The following PLEC variants were observed in gnomAD, a reference collection of about 807,000 sequenced individuals.
The protein encoded by PLEC is hemidesmosomal protein 1.
In PLEC, 216 loss-of-function variants were observed where a neutral mutation model predicts 392.8. That is an observed-to-expected ratio of 0.55 (90% CI 0.49 to 0.62). The LOEUF is 0.62. Ranked by LOEUF, PLEC falls within the 20% of genes least tolerant of loss-of-function variation. The pLI is 0.00. For missense variants in PLEC, 6,863 were observed against 6,563.4 expected (o/e 1.05, Z -1.58); for synonymous variants, 3,621 against 2,980.6 (o/e 1.21, Z -7.00).
At chr8:143,964,184 T>G (rs1314977370) in intron 1 of PLEC, among the ~76,000 whole-genome samples, 2 of 152,148 alleles carry the variant, frequency 1.3e-5, no homozygotes, top group Non-Finnish European at 2.9e-5. Context: ...GAAACATTTA[T>G]TTTGGAAGTG....
rs1027716399 is a variant in PLEC at position 143,921,051 on chromosome 8, T to A, written c.8770A>T (p.Ile2924Phe). 2 of 1,612,260 alleles carry A rather than the reference T, an allele frequency of 1.2e-6. No individual in the cohort carries two copies. The highest frequency in any genetic ancestry group is 1.7e-6 in the Non-Finnish European group (2 of 1,180,036). The change falls in exon 32 of 32, where the codon ATT becomes TTT. Residue 2924 changes from isoleucine (I) to phenylalanine (F), a missense_variant. By Grantham distance (21) the Ile-to-Phe change is conservative. Coordinates refer to ENST00000345136, the MANE Select transcript of PLEC (RefSeq NM_201384.3). ...FGKFQGKTVT[I>F]WEIINSEYFT... is the part of the protein sequence containing the mutation. ...TATTCCGAGTTGATGATCTCCCAAATGGTCACCGTCTTGCCCTGGAACTTG... is the reference window on the plus strand; with the variant it reads ...TATTCCGAGTTGATGATCTCCCAAAAGGTCACCGTCTTGCCCTGGAACTTG...
At position 143,917,847 on chromosome 8, in the gene PLEC, G is replaced by A. The variant is rs782528455; in HGVS notation, c.11974C>T (p.Arg3992Cys). The A allele has an allele frequency of 3.8e-5, 62 of 1,613,000 alleles. No homozygotes were observed. The highest frequency in any genetic ancestry group is 5.0e-5 in the Non-Finnish European group (59 of 1,180,018). The change falls in exon 32 of 32, where the codon CGT (arginine) becomes TGT (cysteine). Residue 3992 changes from arginine (R) to cysteine (C), a missense_variant. Coordinates refer to ENST00000345136, the MANE Select transcript of PLEC (RefSeq NM_201384.3). ...AACTCGGGGCCCACAATGCCCATAC[G>A]CACAGCCTCCTCCACCGTCAGCTTC... ...GLKLTVEEAV[R>C]MGIVGPEFKD...
chr8:143,954,136 G>T (rs1832460323), upstream of PLEC, among the ~76,000 whole-genome samples: 1 of 147,950 alleles, frequency 6.8e-6, no homozygotes, highest in African/African-American at 2.5e-5. The surrounding 1 kb of genome is among the most constrained non-coding windows in gnomAD (Gnocchi z 4.6). Context: ...GCCATGCTTA[G>T]AACAGCCTGT....
At position 143,929,222 on chromosome 8, in the gene PLEC, G is replaced by A. The variant is rs782511217; in HGVS notation, c.3141C>T (p.Ala1047=). 43 of 1,602,488 alleles carry A rather than the reference G, an allele frequency of 2.7e-5. No homozygotes were observed. The highest frequency in any genetic ancestry group is 8.4e-5 in the Admixed American group (5 of 59,528). ...GKGVARLSAE[A]EKVLALPEPS... ...GCTCTGGTAGGGCCAAGACCTTCTC[G>A]GCCTCGGCAGAGAGCCGGGCGACCC... Residue 1047 remains alanine, a synonymous_variant, in exon 25 of 32, where the codon GCC becomes GCT. Transcript: ENST00000345136.
At chr8:143,955,353 C>T (rs551449352), upstream of PLEC, among the ~76,000 whole-genome samples, 4 of 152,224 alleles carry the variant, frequency 2.6e-5, no homozygotes, top group South Asian at 2.1e-4. Flanking sequence ...TGGTGTCACA[C>T]GCCTGTAGCC....
chr8:143,952,431 A>G (rs769269723), upstream of PLEC, among the ~76,000 whole-genome samples: 3 of 152,016 alleles, frequency 2.0e-5, no homozygotes, highest in Non-Finnish European at 2.9e-5. Context: ...CGCCCCTCGG[A>G]CCACCAGCAC....
chr8:143,921,058 C>T lies in PLEC; in HGVS notation c.8763G>A (p.Thr2921=), dbSNP rs377001239. The change falls in exon 32 of 32, where the codon ACG becomes ACA. Residue 2921 remains threonine (T), a synonymous_variant. Coordinates refer to ENST00000345136, the MANE Select transcript of PLEC (RefSeq NM_201384.3). The part of the protein sequence containing the change: ...SAPFGKFQGK[T]VTIWEIINSE... ...AGTTGATGATCTCCCAAATGGTCAC[C>T]GTCTTGCCCTGGAACTTGCCGAACG... is the stretch of plus-strand genomic sequence containing the variant. 274 of 1,612,130 alleles carry T rather than the reference C, an allele frequency of 1.7e-4. No homozygotes were observed. The highest frequency in any genetic ancestry group is 1.5e-3 in the African/African-American group (115 of 75,072).
At chr8:143,954,952 C>T (rs1237635466), upstream of PLEC, among the ~76,000 whole-genome samples, 1 of 152,216 alleles carries the variant, frequency 6.6e-6, no homozygotes, top group Non-Finnish European at 1.5e-5. This position sits in a 1 kb window ranked among gnomAD's most constrained non-coding sequence, Gnocchi z 4.6. Context: ...CTGGGGCTGG[C>T]ATGGAGGACG....
exon 1 of PLEC, chr8:143,950,571 G>T: frequency 3.7e-6 from 6 of 1,608,562 alleles, no homozygotes; most frequent in Non-Finnish European, 5.1e-6. Context: ...ATGACCTGCA[G>T]GTTGGTGACG....
chr8:143,926,833 T>C lies in PLEC; in HGVS notation c.3995A>G (p.Gln1332Arg). The stretch of plus-strand genomic sequence containing the variant: ...AGTCTCGCTGATGAACTTGATGTAC[T>C]GGCTCGTCAGTGTGGTCAGCTCGCT... ...HYSELTTLTS[Q>R]YIKFISETLR... The change falls in exon 30 of 32, where the codon CAG (glutamine) becomes CGG (arginine). Residue 1332 changes from glutamine to arginine, a missense_variant. By Grantham distance (43) the Gln-to-Arg change is conservative (BLOSUM62 1). Transcript: ENST00000345136. 2 of 1,613,736 alleles carry C rather than the reference T, an allele frequency of 1.2e-6. No homozygotes were observed. The highest frequency in any genetic ancestry group is 1.1e-5 in the South Asian group (1 of 91,088).
At chr8:143,964,156 T>C (rs1832983368) in intron 1 of PLEC, among the ~76,000 whole-genome samples, 1 of 152,140 alleles carries the variant, frequency 6.6e-6, no homozygotes, top group South Asian at 2.1e-4. Context: ...GTTGAGACTT[T>C]GGGGCATGTT....
chr8:143,927,138 G>T, intron 28 of PLEC, 57 bp from the exon 29 acceptor site: 1 of 1,559,168 alleles, frequency 6.4e-7, no homozygotes, highest in Non-Finnish European at 8.8e-7. Context: ...CCCCTGCCCA[G>T]CCCCTAAACC....
At position 143,934,804 on chromosome 8, in the gene PLEC, G is replaced by T; in HGVS notation, c.945+6C>A. On this transcript the variant is annotated splice_donor_region_variant and intron_variant, in intron 9 of 31. Coordinates refer to ENST00000345136, the MANE Select transcript of PLEC (RefSeq NM_201384.3). ...CCCAGGACCCCGCCCCCCACGGCAG[G>T]CCCACCTCAATCTCCTCGAAGCTGG... The T allele has an allele frequency of 6.2e-7, 1 of 1,611,670 alleles. No homozygotes were observed. Among genetic ancestry groups the T allele is most frequent in the Non-Finnish European group, 8.5e-7 (1 of 1,179,872 alleles).
At chr8:143,972,600 T>G (rs142294925) in intron 1 of PLEC, among the ~76,000 whole-genome samples, 5 of 152,304 alleles carry the variant, frequency 3.3e-5, no homozygotes, top group Middle Eastern at 3.4e-3. Context: ...CGGCTCTGCC[T>G]GGGGGCCCCC....
In PLEC at chr8:143,930,042, G is replaced by A. The variant is rs1199627981; in HGVS notation, c.2633C>T (p.Ala878Val). ...CAACTGGTGCCACAGCGTGACCAGG[G>A]CCTGGTGCTGGGCCTCCAGCCTGGC... is the stretch of plus-strand genomic sequence containing the variant. ...AVTRLEAQHQ[A>V]LVTLWHQLHV... is the part of the protein sequence containing the mutation. Residue 878 changes from alanine (A) to valine (V), a missense_variant, in exon 22 of 32, where the codon GCC becomes GTC. Ala to Val is a moderately conservative substitution (Grantham distance 64, BLOSUM62 0). Transcript: ENST00000345136. 2 of 1,611,630 alleles carry A rather than the reference G, an allele frequency of 1.2e-6. No individual in the cohort carries two copies. The highest frequency in any genetic ancestry group is 1.7e-5 in the Admixed American group (1 of 60,004).
rs551648408 is a variant in PLEC at position 143,939,194 on chromosome 8, G to C, written c.112+156C>G. 5.3e-5 allele frequency among the ~76,000 whole-genome samples: 8 copies of C among 152,320 alleles called. No homozygotes were observed. The South Asian group carries it at 1.4e-3, about 28-fold the overall frequency. The stretch of plus-strand genomic sequence containing the variant: ...CCGTCAGCCTCGCGGGCGCCTGTCG[G>C]CCCACTCCGTGTTGGGTGGGGATGG... On this transcript the variant is annotated intron_variant, in intron 1 of 31. Coordinates refer to ENST00000345136, the MANE Select transcript of PLEC (RefSeq NM_201384.3).
upstream of PLEC, among the ~76,000 whole-genome samples, chr8:143,976,088 G>A (rs1253588802): frequency 2.6e-5 from 4 of 152,230 alleles, no homozygotes; most frequent in Non-Finnish European, 1.5e-5. Context: ...CCGCAGCGAA[G>A]GCCTATAAAT....
Position 143,916,196 on chromosome 8 carries a change from G to T in PLEC, c.13625C>A (p.Pro4542His), listed in dbSNP as rs1554668185. 1 of 1,542,602 alleles carries T rather than the reference G, an allele frequency of 6.5e-7. No homozygotes were observed. The highest frequency in any genetic ancestry group is 8.7e-7 in the Non-Finnish European group (1 of 1,144,042). The change falls in exon 32 of 32, where the codon CCT becomes CAT. Residue 4542 changes from proline to histidine, a missense_variant. Pro to His is a moderately conservative substitution (Grantham distance 77). Coordinates refer to ENST00000345136, the MANE Select transcript of PLEC (RefSeq NM_201384.3). The stretch of plus-strand genomic sequence containing the variant: ...GCAGCCTCAGGCCACGGCAGACTCA[G>T]GGCCCCCCAGGGAGGCCGAGGACCC... ...ASGSSASLGG[P>H]ESAVA
At chr8:143,946,848 C>G (rs1831550875) in intron 1 of PLEC, among the ~76,000 whole-genome samples, 1 of 151,338 alleles carries the variant, frequency 6.6e-6, no homozygotes, top group Non-Finnish European at 1.5e-5. Context: ...CACCACACCC[C>G]ACTCCTTGAG....
Sources: allele counts gnomAD v4.1 joint callset (sites outside exome capture counted in the v4.1 genomes callset), GRCh38; gene constraint gnomAD v4.1.1; non-coding constraint Gnocchi (gnomAD v3.1); transcripts MANE v1.5; gene names NCBI Gene and HGNC (gene_info 2026-07-23, HGNC 2026-07-21).